CENPI: variants seen among roughly 807,000 people sequenced by gnomAD.
The protein encoded by CENPI is centromere protein I, also known as FSH primary response 1.
Under a neutral mutation model 60.4 loss-of-function variants are expected in CENPI, and 4 were observed. That is an observed-to-expected ratio of 0.07 (90% CI 0.03 to 0.15). CENPI has a LOEUF of 0.15. CENPI is among the 10% of genes least tolerant of loss of function. CENPI has a pLI of 1.00. For missense variants in CENPI, 444 were observed against 534.5 expected (o/e 0.83, Z 1.67); for synonymous variants, 157 against 189.4 (o/e 0.83, Z 1.40).
intron 4 of CENPI, among the ~76,000 whole-genome samples, chrX:101,108,591 C>G (rs1437051767): frequency 2.7e-5 from 3 of 111,117 alleles, no homozygotes; most frequent in Non-Finnish European, 5.7e-5. Context: ...AGAAGAAACC[C>G]TGTACTCATT....
chrX:101,112,926 T>G (rs2148153116), intron 6 of CENPI, among the ~76,000 whole-genome samples: 1 of 110,202 alleles, frequency 9.1e-6, no homozygotes, highest in African/African-American at 3.3e-5. Flanking sequence ...ATAGTAGAAA[T>G]AAATTCAGAT....
rs1263837019 is a variant in CENPI at position 101,163,646 on chromosome X, G to T, written c.*679G>T. ...CTGTAGCTTCAGTTTTTAAGTGTAAGGACTAAATAAACTAACTGAAATTTT... is the reference window on the plus strand; with the variant it reads ...CTGTAGCTTCAGTTTTTAAGTGTAATGACTAAATAAACTAACTGAAATTTT... On this transcript the variant is annotated 3_prime_UTR_variant, in exon 22 of 22. Transcript: ENST00000682095. The T allele has an allele frequency of 8.9e-6, 1 of 112,079 alleles. No individual in the cohort carries two copies. Among genetic ancestry groups the T allele is most frequent in the East Asian group, 2.8e-4 (1 of 3,586 alleles). The allele number at this position is 112,079 out of a possible 1,213,427, so 9.2% of individuals were successfully genotyped here.
chrX:101,110,991 GT>G (rs952888088), intron 6 of CENPI, among the ~76,000 whole-genome samples: 2 of 111,382 alleles, frequency 1.8e-5, no homozygotes, highest in Non-Finnish European at 3.8e-5. Flanking sequence ...TGTAAATTGT[GT>G]TTTAGGAGAC....
chrX:101,147,649 C>T, intron 18 of CENPI, 114 bp from the exon 19 acceptor site: 1 of 565,816 alleles, frequency 1.8e-6, no homozygotes, highest in East Asian at 3.5e-5. Context: ...TGTGTATATG[C>T]ACATTTGCAT....
At chrX:101,104,566 A>T (rs1332424974) in intron 4 of CENPI, among the ~76,000 whole-genome samples, 2 of 111,250 alleles carry the variant, frequency 1.8e-5, no homozygotes, top group Non-Finnish European at 3.8e-5. Context: ...TTTCCTACTT[A>T]AAAAAAAGTT....
At chrX:101,135,751 C>T (rs916978816) in intron 15 of CENPI, among the ~76,000 whole-genome samples, 7 of 111,144 alleles carry the variant, frequency 6.3e-5, no homozygotes, top group Non-Finnish European at 1.3e-4. Context: ...GATGGAGTCT[C>T]GCTCTGTCGC....
chrX:101,112,374 T>C (rs1256472752), intron 6 of CENPI, among the ~76,000 whole-genome samples: 3 of 112,077 alleles, frequency 2.7e-5, no homozygotes, highest in African/African-American at 9.7e-5. Context: ...ACAAGTACGA[T>C]GTTCTAAATT....
At chrX:101,160,717 G>C (rs1231079267) in intron 20 of CENPI, among the ~76,000 whole-genome samples, 4 of 111,216 alleles carry the variant, frequency 3.6e-5, no homozygotes, top group Non-Finnish European at 7.5e-5. Context: ...GAAATGCATT[G>C]TGTATTTCCA....
chrX:101,158,681 A>C (rs2090077499), intron 20 of CENPI, among the ~76,000 whole-genome samples: 1 of 105,848 alleles, frequency 9.4e-6, no homozygotes, highest in Admixed American at 1.0e-4. Context: ...CCCATGCTGG[A>C]GTGCAGTGGC....
At chrX:101,124,451 T>C (rs2089713603) in intron 8 of CENPI, among the ~76,000 whole-genome samples, 1 of 111,266 alleles carries the variant, frequency 9.0e-6, no homozygotes, top group Admixed American at 9.6e-5. Context: ...GTTAAACATA[T>C]CTAAAAAACC....
chrX:101,155,265 C>A (rs2090042373), intron 20 of CENPI, among the ~76,000 whole-genome samples: 1 of 111,376 alleles, frequency 9.0e-6, no homozygotes, highest in African/African-American at 3.3e-5. Context: ...TCTTGGCTCA[C>A]TGCAACCTCC....
intron 20 of CENPI, among the ~76,000 whole-genome samples, chrX:101,157,475 C>T (rs774373592): frequency 9.1e-6 from 1 of 109,992 alleles, no homozygotes; most frequent in East Asian, 2.9e-4. Context: ...TAGTGTGATG[C>T]TGTCTTTACA....
intron 8 of CENPI, 30 bp from the exon 9 acceptor site, chrX:101,126,679 A>T: frequency 9.0e-7 from 1 of 1,115,926 alleles, no homozygotes; most frequent in East Asian, 3.0e-5. Context: ...TAGCCACAGA[A>T]TTGAAAATGG....
In CENPI at chrX:101,164,537, G is replaced by A. The variant is rs936472313; in HGVS notation, c.*1570G>A. On this transcript the variant is annotated 3_prime_UTR_variant, in exon 22 of 22. Transcript: ENST00000682095. The stretch of plus-strand genomic sequence containing the variant: ...AGTAGAGACAGGGTTCCGTCATGTT[G>A]ACCAGGCTGGACTTGAACTCTTGAT... Among the ~76,000 whole-genome samples, 17 of 111,147 alleles carry A rather than the reference G, an allele frequency of 1.5e-4. No homozygotes were observed. The highest frequency in any genetic ancestry group is 5.6e-4 in the African/African-American group (17 of 30,595).
chrX:101,110,140 T>TAA (rs2089538004), intron 6 of CENPI, 142 bp downstream of exon 6: 1 of 343,890 alleles, frequency 2.9e-6, no homozygotes, highest in Admixed American at 5.6e-5. Context: ...TGTACCAAGA[T>TAA]AACGTAGACA....
At chrX:101,099,753 GT>G (rs2089389883) in intron 2 of CENPI, 1 of 101,592 alleles carries the variant, frequency 9.8e-6, no homozygotes, top group Admixed American at 1.1e-4. Flanking sequence ...TCACATCACT[GT>G]GTATTATATT....
intron 15 of CENPI, among the ~76,000 whole-genome samples, chrX:101,133,454 G>A (rs934586048): frequency 4.6e-5 from 5 of 107,792 alleles, no homozygotes; most frequent in African/African-American, 1.0e-4. Flanking sequence ...TTTTTTGTAC[G>A]TCAGAGATGG....
intron 20 of CENPI, among the ~76,000 whole-genome samples, chrX:101,155,087 G>A (rs1472031590): frequency 9.0e-6 from 1 of 110,877 alleles, no homozygotes; most frequent in Non-Finnish European, 1.9e-5. Context: ...AGAACCTCAG[G>A]TACTATGTCA....
In CENPI at chrX:101,165,127, T is replaced by G. The variant is rs1229518507; in HGVS notation, c.*2160T>G. Among the ~76,000 whole-genome samples, 3 of 111,748 alleles carry G rather than the reference T, an allele frequency of 2.7e-5. No individual in the cohort carries two copies. Among genetic ancestry groups the G allele is most frequent in the African/African-American group, 9.8e-5 (3 of 30,734 alleles). ...ATTAAGAGAGAAGAATGGTAAGAAG[T>G]GACATAAGGAAGAAAGCCAGGTCCT... is the stretch of plus-strand genomic sequence containing the variant. On this transcript the variant is annotated 3_prime_UTR_variant, in exon 22 of 22. Transcript: ENST00000682095.
Sources: gnomAD v4.1 joint callset for allele counts (sites outside exome capture counted in the v4.1 genomes callset) on GRCh38, gnomAD v4.1.1 for gene constraint, MANE v1.5 for transcripts, NCBI Gene and HGNC (gene_info 2026-07-23, HGNC 2026-07-21) for gene names.